RBFOX1: variants seen among roughly 807,000 people sequenced by gnomAD.
The protein encoded by RBFOX1 is RNA binding protein fox-1 homolog 1.
Under a neutral mutation model 57.7 loss-of-function variants are expected in RBFOX1, and 8 were observed. That is an observed-to-expected ratio of 0.14 (90% confidence interval 0.08 to 0.25). The LOEUF is 0.25. RBFOX1 is among the 10% of genes least tolerant of loss of function. The probability of loss-of-function intolerance (pLI) is 1.00; values close to 1 mark genes in which losing one functional copy is unlikely to be tolerated. For synonymous variants in RBFOX1, 326 were observed against 222.4 expected (o/e 1.47, Z -4.15); for missense variants, 611 against 548.5 (o/e 1.11, Z -1.14).
At chr16:7,642,253 C>T (rs2062954277) in intron 11 of RBFOX1, among the ~76,000 whole-genome samples, 1 of 152,122 alleles carries the variant, frequency 6.6e-6, no homozygotes, top group Non-Finnish European at 1.5e-5. Flanking sequence ...GGCAGATGAT[C>T]CCTAGGCTCA....
intron 3 of RBFOX1, among the ~76,000 whole-genome samples, chr16:5,712,080 A>C (rs1385433615): frequency 6.6e-6 from 1 of 152,194 alleles, no homozygotes; most frequent in Non-Finnish European, 1.5e-5. Flanking sequence ...GGCAAGAGAG[A>C]GAAGTGAAGG....
At chr16:7,340,398 C>T (rs936108424) in intron 4 of RBFOX1, among the ~76,000 whole-genome samples, 3 of 152,224 alleles carry the variant, frequency 2.0e-5, no homozygotes, top group African/African-American at 7.2e-5. Flanking sequence ...TTCCACTTCA[C>T]TTGGCTTCTC....
chr16:5,608,394 A>G (rs1026760589), intron 3 of RBFOX1, among the ~76,000 whole-genome samples: 1 of 152,162 alleles, frequency 6.6e-6, no homozygotes, highest in Non-Finnish European at 1.5e-5. Flanking sequence ...ACGTGGCCAC[A>G]TGATGAAGGG....
At chr16:6,870,641 C>T (rs184339607) in intron 3 of RBFOX1, among the ~76,000 whole-genome samples, 92 of 152,078 alleles carry the variant, frequency 6.0e-4, no homozygotes, top group African/African-American at 2.2e-3. Context: ...TGAGCAGAAA[C>T]AAAACAAACG....
chr16:5,647,480 T>C (rs1052714573), intron 3 of RBFOX1, among the ~76,000 whole-genome samples: 119 of 152,306 alleles, frequency 7.8e-4, no homozygotes, highest in African/African-American at 2.9e-3. Context: ...CACGGGGTTA[T>C]TGTGAAGTCA....
chr16:7,238,117 A>G (rs1343603820), intron 4 of RBFOX1, among the ~76,000 whole-genome samples: 3 of 152,204 alleles, frequency 2.0e-5, no homozygotes, highest in Middle Eastern at 3.2e-3. Context: ...TTCCACTTAT[A>G]TGAGGTGCCC....
intron 4 of RBFOX1, among the ~76,000 whole-genome samples, chr16:7,270,163 T>C (rs2095283014): frequency 2.0e-5 from 3 of 152,212 alleles, no homozygotes; most frequent in Non-Finnish European, 1.5e-5. Flanking sequence ...AATGGGAACC[T>C]TGAGTCTGAG....
intron 2 of RBFOX1, among the ~76,000 whole-genome samples, chr16:6,365,940 G>A (rs1193272928): frequency 6.6e-6 from 1 of 151,990 alleles, no homozygotes; most frequent in Non-Finnish European, 1.5e-5. Flanking sequence ...CTGCTGCTAA[G>A]GATCTTTCTT....
At chr16:6,896,334 A>C (rs1323251986) in intron 3 of RBFOX1, among the ~76,000 whole-genome samples, 1 of 152,216 alleles carries the variant, frequency 6.6e-6, no homozygotes, top group Non-Finnish European at 1.5e-5. Flanking sequence ...ATTTTTAAAT[A>C]TAAAATTACT....
intron 3 of RBFOX1, among the ~76,000 whole-genome samples, chr16:6,959,065 T>C (rs1020679754): frequency 2.6e-5 from 4 of 152,206 alleles, no homozygotes; most frequent in African/African-American, 9.6e-5. Flanking sequence ...AGTAATATTA[T>C]AGTTCTTAAG....
intron 3 of RBFOX1, among the ~76,000 whole-genome samples, chr16:6,884,246 C>T (rs567033921): frequency 8.5e-5 from 13 of 152,234 alleles, no homozygotes; most frequent in South Asian, 4.1e-4. Flanking sequence ...ACCCAGGGAG[C>T]GTGGCAATAA....
At chr16:5,582,592 C>T (rs1166657526) in intron 2 of RBFOX1, among the ~76,000 whole-genome samples, 2 of 142,724 alleles carry the variant, frequency 1.4e-5, no homozygotes, top group Non-Finnish European at 3.0e-5. Flanking sequence ...CTTTGTTGCC[C>T]AGGCTGGAAT....
intron 3 of RBFOX1, among the ~76,000 whole-genome samples, chr16:7,021,558 A>C (rs1041133880): frequency 6.2e-5 from 9 of 144,958 alleles, no homozygotes; most frequent in Non-Finnish European, 1.4e-4. Flanking sequence ...ATATTTATAA[A>C]ATATATTATA....
chr16:5,702,614 C>G (rs1284936114), intron 3 of RBFOX1, among the ~76,000 whole-genome samples: 1 of 152,166 alleles, frequency 6.6e-6, no homozygotes, highest in African/African-American at 2.4e-5. Context: ...TGTTTTTGGA[C>G]TTTGTTGAGG....
At chr16:6,917,449 G>A (rs550641722) in intron 3 of RBFOX1, among the ~76,000 whole-genome samples, 1 of 152,180 alleles carries the variant, frequency 6.6e-6, no homozygotes, top group African/African-American at 2.4e-5. Flanking sequence ...TGTTTCATTT[G>A]GGGAATACAT....
intron 3 of RBFOX1, among the ~76,000 whole-genome samples, chr16:5,737,293 G>A (rs1025330774): frequency 6.6e-5 from 10 of 152,030 alleles, no homozygotes; most frequent in African/African-American, 2.4e-4. Context: ...AGAACAGCCT[G>A]GCCAATATGG....
chr16:7,321,653 G>C (rs1045243573), intron 4 of RBFOX1, among the ~76,000 whole-genome samples: 1 of 152,148 alleles, frequency 6.6e-6, no homozygotes, highest in Non-Finnish European at 1.5e-5. Context: ...GATTAAGTGA[G>C]TTAATATACA....
chr16:7,691,510 G>A (rs928782550), intron 14 of RBFOX1, among the ~76,000 whole-genome samples: 1 of 150,836 alleles, frequency 6.6e-6, no homozygotes, highest in Non-Finnish European at 1.5e-5. Flanking sequence ...AAAAAGGGTA[G>A]TTTAAGGTTA....
At chr16:5,737,432 G>C (rs2052617072) in intron 3 of RBFOX1, among the ~76,000 whole-genome samples, 1 of 151,976 alleles carries the variant, frequency 6.6e-6, no homozygotes, top group South Asian at 2.1e-4. Flanking sequence ...GTTGCAGTGA[G>C]TCGAGATCAT....
Sources: allele counts gnomAD v4.1 joint callset (sites outside exome capture counted in the v4.1 genomes callset), GRCh38; gene constraint gnomAD v4.1.1; transcripts MANE v1.5; gene names NCBI Gene and HGNC (gene_info 2026-07-23, HGNC 2026-07-21).